The following MYO9A variants were observed in gnomAD, a reference collection of about 807,000 sequenced individuals.
The protein encoded by MYO9A is unconventional myosin-IXa.
MYO9A carries 103 observed loss-of-function variants against 293.3 expected under a neutral mutation model. The observed-to-expected ratio is 0.35, with a 90% CI of 0.30 to 0.41. The LOEUF is 0.41. Ranked by LOEUF, MYO9A falls within the 10% of genes least tolerant of loss-of-function variation. The pLI is 1.00. For missense variants in MYO9A, 2,685 were observed against 3,033.0 expected (o/e 0.89, Z 2.69); for synonymous variants, 1,001 against 1,035.7 (o/e 0.97, Z 0.64).
intron 32 of MYO9A, among the ~76,000 whole-genome samples, chr15:71,868,654 T>C (rs973351321): frequency 3.3e-5 from 5 of 152,134 alleles, no homozygotes; most frequent in Admixed American, 3.3e-4. Context: ...TATTGTTCAA[T>C]GATAAAAGCA....
intron 31 of MYO9A, among the ~76,000 whole-genome samples, chr15:71,876,163 T>C (rs2056676600): frequency 6.6e-6 from 1 of 151,624 alleles, no homozygotes; most frequent in Non-Finnish European, 1.5e-5. Flanking sequence ...TTTTTTTTTT[T>C]GAGACGGAGT....
rs1342566789 is a variant in MYO9A, at chr15:72,052,275, T to TGAACACTCATCAGGACACCC, written c.-71-5661_-71-5642dup. On this transcript the variant is annotated intron_variant, in intron 1 of 41. Coordinates refer to ENST00000356056, the MANE Select transcript of MYO9A (RefSeq NM_006901.4). Reference sequence around the variant, plus strand: ...CCACGGTCTCCACTCTGCTGACAGCTGAACACTCATCAGGACACCCGAACA... The same window carrying TGAACACTCATCAGGACACCC: ...CCACGGTCTCCACTCTGCTGACAGCTGAACACTCATCAGGACACCCGAACACTCATCAGGACACCCGAACA... 1.2e-4 allele frequency among the ~76,000 whole-genome samples: 18 copies of TGAACACTCATCAGGACACCC among 152,138 alleles called. No homozygotes were observed. The South Asian group carries it at 1.2e-3, about 11-fold the overall frequency.
At position 71,901,280 on chromosome 15, in the gene MYO9A, G is replaced by C; in HGVS notation, c.3061C>G (p.Arg1021Gly). Reference sequence around the variant, plus strand: ...CATCGCTGCAACAATATGATTCTGCGGAGCACCTCTTGGTGAAGCAGATCT... The same window carrying C: ...CATCGCTGCAACAATATGATTCTGCCGAGCACCTCTTGGTGAAGCAGATCT... ...LQDLLHQEVL[R>G]RIILLQRWFR... is the part of the protein sequence containing the mutation. Residue 1021 changes from arginine to glycine, a missense_variant, in exon 23 of 42, where the codon CGC becomes GGC. Coordinates refer to ENST00000356056, the MANE Select transcript of MYO9A (RefSeq NM_006901.4). The C allele has an allele frequency of 6.2e-7, 1 of 1,613,902 alleles. No homozygotes were observed. The highest frequency in any genetic ancestry group is 8.5e-7 in the Non-Finnish European group (1 of 1,179,924).
At chr15:72,033,453 A>G (rs2077940301) in intron 2 of MYO9A, among the ~76,000 whole-genome samples, 1 of 152,218 alleles carries the variant, frequency 6.6e-6, no homozygotes, top group African/African-American at 2.4e-5. Flanking sequence ...ATCGTCACCC[A>G]AAGTATGTAC....
At chr15:71,998,544 GGCTT>G (rs896102446) in intron 9 of MYO9A, among the ~76,000 whole-genome samples, 1 of 133,102 alleles carries the variant, frequency 7.5e-6, no homozygotes, top group African/African-American at 2.8e-5. Context: ...TTAAAGATTT[GGCTT>G]TCTTTTTTTT....
At position 72,078,669 on chromosome 15, in the gene MYO9A, A is replaced by G. The variant is rs186678086; in HGVS notation, c.-71-32035T>C. On this transcript the variant is annotated intron_variant, in intron 1 of 41. Coordinates refer to ENST00000356056, the MANE Select transcript of MYO9A (RefSeq NM_006901.4). ...TTGCTAAAAATAAAAAAATAACTTT[A>G]AAAACCTGCACATGGATGTTTACGG... 2.6e-5 allele frequency among the ~76,000 whole-genome samples: 4 copies of G among 152,322 alleles called. No homozygotes were observed. In the East Asian group the frequency reaches 7.7e-4, roughly 29 times the overall value.
chr15:71,898,664 A>G lies in MYO9A; in HGVS notation c.3839T>C (p.Leu1280Pro). The G allele has an allele frequency of 6.2e-7, 1 of 1,613,642 alleles. No individual in the cohort carries two copies. Among genetic ancestry groups the G allele is most frequent in the Non-Finnish European group, 8.5e-7 (1 of 1,179,908 alleles). Residue 1280 changes from leucine to proline, a missense_variant, in exon 25 of 42, where the codon CTA (leucine) becomes CCA (proline). Leu to Pro is a moderately conservative substitution (Grantham distance 98). Coordinates refer to ENST00000356056, the MANE Select transcript of MYO9A (RefSeq NM_006901.4). The part of the protein sequence containing the change: ...AKRESRRMRE[L>P]EQAIFSLELL... The stretch of plus-strand genomic sequence containing the variant: ...TTCTAAGCTAAATATAGCTTGCTCT[A>G]GTTCTCTCATTCTCCTACTTTCTCT...
chr15:72,071,384 C>CA (rs1226612812), intron 1 of MYO9A, among the ~76,000 whole-genome samples: 1 of 151,932 alleles, frequency 6.6e-6, no homozygotes, highest in East Asian at 1.9e-4. Context: ...ATTAAAAAGT[C>CA]AAAAAAATAA....
chr15:72,038,394 G>A (rs1203311342), intron 2 of MYO9A, among the ~76,000 whole-genome samples: 1 of 152,182 alleles, frequency 6.6e-6, no homozygotes, highest in African/African-American at 2.4e-5. Flanking sequence ...GAAAGACCAT[G>A]TTCTGGGCCA....
At chr15:71,956,742 GTAGCATATA>G (rs144383015) in intron 14 of MYO9A, among the ~76,000 whole-genome samples, 31,239 of 149,554 alleles carry the variant, frequency 0.21, 3,532 homozygotes, top group East Asian at 0.41. Context: ...ATACACATAT[GTAGCATATA>G]TAGCATATAT....
chr15:72,005,241 A>G (rs776579590), intron 8 of MYO9A, among the ~76,000 whole-genome samples: 3 of 152,200 alleles, frequency 2.0e-5, no homozygotes, highest in Non-Finnish European at 2.9e-5. Flanking sequence ...CTGTCAAATC[A>G]TATTTGCCAT....
chr15:72,100,903 G>A (rs1349361384), intron 1 of MYO9A, among the ~76,000 whole-genome samples: 33 of 97,262 alleles, frequency 3.4e-4, no homozygotes, highest in Non-Finnish European at 5.5e-4. Context: ...CCAGCCGCCC[G>A]GTCCGGGAGG....
At chr15:72,103,414 CAGCAGCAGA>C (rs200300513) in intron 1 of MYO9A, among the ~76,000 whole-genome samples, 2,092 of 144,792 alleles carry the variant, frequency 0.014, 54 homozygotes, top group African/African-American at 0.051. Context: ...AAGCAGCAAG[CAGCAGCAGA>C]AGCAGCAGCA....
chr15:72,024,929 C>T (rs2077617536), intron 4 of MYO9A, among the ~76,000 whole-genome samples: 8 of 151,876 alleles, frequency 5.3e-5, no homozygotes, highest in Admixed American at 5.2e-4. Context: ...AAAAAAAAAT[C>T]GTAACACATA....
Position 71,826,911 on chromosome 15 carries a change from G to C in MYO9A, c.7316C>G (p.Ser2439Cys), listed in dbSNP as rs1193226348. ...VDSSVSSLCL[S>C]NTASSHGTRK... ...GGTCCCATGAGATGATGCCGTGTTA[G>C]ACAGACATAAAGAGGAGACCGAAGA... is the stretch of plus-strand genomic sequence containing the variant. Residue 2439 changes from serine (S) to cysteine (C), a missense_variant, in exon 42 of 42, where the codon TCT becomes TGT. Coordinates refer to ENST00000356056, the MANE Select transcript of MYO9A (RefSeq NM_006901.4). The C allele has an allele frequency of 1.2e-6, 2 of 1,613,960 alleles. No homozygotes were observed. Among genetic ancestry groups the C allele is most frequent in the Non-Finnish European group, 1.7e-6 (2 of 1,179,976 alleles).
intron 11 of MYO9A, among the ~76,000 whole-genome samples, chr15:71,981,705 T>C (rs1304969263): frequency 6.6e-6 from 1 of 151,838 alleles, no homozygotes; most frequent in Non-Finnish European, 1.5e-5. Context: ...TCAATATTAT[T>C]AGCCCTTTCA....
At chr15:72,016,773 AGAG>A (rs1302179477) in intron 6 of MYO9A, among the ~76,000 whole-genome samples, 21 of 152,200 alleles carry the variant, frequency 1.4e-4, no homozygotes, top group Admixed American at 1.4e-3. Flanking sequence ...GATTAAGGGA[AGAG>A]GAGATTATGG....
chr15:72,005,197 A>C (rs1283489984), intron 8 of MYO9A, among the ~76,000 whole-genome samples: 2 of 152,194 alleles, frequency 1.3e-5, no homozygotes, highest in African/African-American at 2.4e-5. Context: ...CACAAGAAGA[A>C]ATTTAAGAAG....
chr15:72,091,237 ATT>A (rs2079899012), intron 1 of MYO9A, among the ~76,000 whole-genome samples: 1 of 151,532 alleles, frequency 6.6e-6, no homozygotes, highest in South Asian at 2.1e-4. Flanking sequence ...TATTTTAATC[ATT>A]GATACAAATA....
Sources: allele counts gnomAD v4.1 joint callset (sites outside exome capture counted in the v4.1 genomes callset), GRCh38; gene constraint gnomAD v4.1.1; transcripts MANE v1.5; gene names NCBI Gene and HGNC (gene_info 2026-07-23, HGNC 2026-07-21).